Variants in CHMP3 observed in about 807,000 individuals in gnomAD.
CHMP3 encodes the protein 25.1 protein.
In CHMP3, 8 loss-of-function variants were observed where a neutral mutation model predicts 27.4. The ratio of observed to expected loss-of-function variants is 0.29; its 90% CI spans 0.17 to 0.53. The LOEUF (loss-of-function observed/expected upper bound fraction) is 0.53, where lower values mean the gene tolerates loss of function less well. Ranked by LOEUF, CHMP3 falls within the 20% of genes least tolerant of loss-of-function variation. The pLI, the probability that CHMP3 is intolerant of heterozygous loss-of-function variation, is 0.96. For synonymous variants in CHMP3, 86 were observed against 85.5 expected (o/e 1.01, Z -0.03); for missense variants, 208 against 271.5 (o/e 0.77, Z 1.64).
chr2:86,558,050 A>C (rs979047266), intron 1 of CHMP3, among the ~76,000 whole-genome samples: 2 of 152,198 alleles, frequency 1.3e-5, no homozygotes, highest in Non-Finnish European at 2.9e-5. Context: ...GTCTAAGAAC[A>C]TAAGTCATAT....
chr2:86,515,759 C>G (rs1243890757), intron 3 of CHMP3, among the ~76,000 whole-genome samples: 1 of 152,142 alleles, frequency 6.6e-6, no homozygotes, highest in Non-Finnish European at 1.5e-5. Flanking sequence ...TATAAAGACT[C>G]AAGTGCTCCT....
chr2:86,510,059 T>C (rs1043443352), intron 4 of CHMP3, among the ~76,000 whole-genome samples: 1 of 152,228 alleles, frequency 6.6e-6, no homozygotes, highest in African/African-American at 2.4e-5. Flanking sequence ...CTTGCCTATG[T>C]TGGACCCTGC....
At chr2:86,548,916 C>A (rs1277772877) in intron 1 of CHMP3, among the ~76,000 whole-genome samples, 30 of 149,858 alleles carry the variant, frequency 2.0e-4, no homozygotes, top group Non-Finnish European at 3.7e-4. Flanking sequence ...TCCCCACCTC[C>A]CAGATGATGG....
chr2:86,529,554 A>G (rs1360647860), intron 2 of CHMP3, among the ~76,000 whole-genome samples, 157 bp from the exon 3 acceptor site: 1 of 152,246 alleles, frequency 6.6e-6, no homozygotes, highest in East Asian at 1.9e-4. Flanking sequence ...CATCATTTCC[A>G]GAAACAACAT....
chr2:86,507,810 G>A (rs1674943393), intron 4 of CHMP3, among the ~76,000 whole-genome samples: 1 of 152,170 alleles, frequency 6.6e-6, no homozygotes, highest in Admixed American at 6.5e-5. Context: ...ACACCCTAGG[G>A]GTGGGGAGTG....
intron 2 of CHMP3, among the ~76,000 whole-genome samples, chr2:86,538,190 T>C (rs562329709): frequency 6.7e-4 from 102 of 152,334 alleles, no homozygotes; most frequent in African/African-American, 2.4e-3. Flanking sequence ...AATTATTTGA[T>C]TCTACTTATA....
chr2:86,558,851 TTTTC>T (rs1677236058), intron 1 of CHMP3, among the ~76,000 whole-genome samples: 1 of 150,340 alleles, frequency 6.7e-6, no homozygotes, highest in East Asian at 1.9e-4. Context: ...CTCTTAAGTA[TTTTC>T]TTTCTCCCTT....
chr2:86,545,563 TCCTCACTTCCCAGACGGGGCGACTGCC>T lies in CHMP3; in HGVS notation c.46-3278_46-3252del, dbSNP rs1373550028. 4.7e-5 allele frequency among the ~76,000 whole-genome samples: 5 copies of T among 106,054 alleles called. No homozygotes were observed. In the East Asian group the frequency reaches 1.1e-3, roughly 23 times the overall value. The allele number at this position is 106,054 out of a possible 152,430, so 69.6% of individuals were successfully genotyped here. On this transcript the variant is annotated intron_variant, in intron 1 of 5. Coordinates refer to ENST00000263856, the MANE Select transcript of CHMP3 (RefSeq NM_016079.4). The stretch of plus-strand genomic sequence containing the variant: ...CGGGGCGACTGCCGGGCAGAGGCGC[TCCTCACTTCCCAGACGGGGCGACTGCC>T]GGGCAGAGGCGCTCCTCACTTCTCA...
intron 1 of CHMP3, among the ~76,000 whole-genome samples, chr2:86,548,179 C>CTTTTTTTTTTTT (rs55949258): frequency 1.7e-5 from 2 of 116,050 alleles, no homozygotes; most frequent in Non-Finnish European, 3.7e-5. Context: ...GAGGAGTTCT[C>CTTTTTTTTTTTT]TTTTTTTTTT....
rs60878502 is a variant in CHMP3, at chr2:86,527,778, T to C, written c.286+1440A>G. ...GAGTTTGAGACCAGCCTGGGTAACA[T>C]GGCGAAACCCCGTCTCTACTAAAAA... On this transcript the variant is annotated intron_variant, in intron 3 of 5. Coordinates refer to ENST00000263856, the MANE Select transcript of CHMP3 (RefSeq NM_016079.4). Among the ~76,000 whole-genome samples the C allele has an allele frequency of 3.9e-3, 599 of 152,130 alleles. 5 individuals carry two copies. The highest frequency in any genetic ancestry group is 0.014 in the African/African-American group (567 of 41,472).
intron 2 of CHMP3, among the ~76,000 whole-genome samples, chr2:86,537,350 G>A (rs183261285): frequency 1.3e-5 from 2 of 152,128 alleles, no homozygotes; most frequent in African/African-American, 2.4e-5. Flanking sequence ...GCTTTCCATC[G>A]ATTATTTCCA....
At chr2:86,552,662 T>G (rs757948230) in intron 1 of CHMP3, among the ~76,000 whole-genome samples, 10 of 152,236 alleles carry the variant, frequency 6.6e-5, no homozygotes, top group Non-Finnish European at 1.3e-4. Flanking sequence ...ATTAGCATCA[T>G]TAATTACAAG....
At chr2:86,518,560 A>G (rs1409254014) in intron 3 of CHMP3, among the ~76,000 whole-genome samples, 2 of 152,324 alleles carry the variant, frequency 1.3e-5, no homozygotes, top group Non-Finnish European at 2.9e-5. Context: ...AGTTGATTCC[A>G]TAAATGTGGG....
In CHMP3 at chr2:86,552,057, C is replaced by G. The variant is rs182260260; in HGVS notation, c.46-9745G>C. 3.3e-5 allele frequency among the ~76,000 whole-genome samples: 5 copies of G among 152,244 alleles called. No homozygotes were observed. The East Asian group carries it at 9.6e-4, about 29-fold the overall frequency. On this transcript the variant is annotated intron_variant, in intron 1 of 5. Coordinates refer to ENST00000263856, the MANE Select transcript of CHMP3 (RefSeq NM_016079.4). ...TCATACCAGGATATATGCTAGAAAA[C>G]AAGGAAGTATTCAAAGATTAGTAAA... is the stretch of plus-strand genomic sequence containing the variant.
At chr2:86,545,437 G>A (rs142043028) in intron 1 of CHMP3, among the ~76,000 whole-genome samples, 26,828 of 92,202 alleles carry the variant, frequency 0.29, 7,371 homozygotes, top group East Asian at 0.71. Context: ...GGGCAGAGGC[G>A]CTCCTCACTC....
intron 2 of CHMP3, among the ~76,000 whole-genome samples, chr2:86,530,835 T>C (rs1225540472): frequency 6.6e-6 from 1 of 152,254 alleles, no homozygotes; most frequent in East Asian, 1.9e-4. Flanking sequence ...ACACTGGTTA[T>C]TTCCTGGGGG....
At chr2:86,554,812 C>CACGTGTGT (rs1553409351) in intron 1 of CHMP3, among the ~76,000 whole-genome samples, 7 of 77,890 alleles carry the variant, frequency 9.0e-5, no homozygotes, top group African/African-American at 2.1e-4. Context: ...AATGTGTGTG[C>CACGTGTGT]GCGCGTGTGT....
At chr2:86,554,947 A>G (rs1677062634) in intron 1 of CHMP3, among the ~76,000 whole-genome samples, 1 of 151,318 alleles carries the variant, frequency 6.6e-6, no homozygotes, top group African/African-American at 2.4e-5. Context: ...CCTGTGTTCA[A>G]GCAATTCTCC....
At chr2:86,558,578 G>A (rs1228136248) in intron 1 of CHMP3, among the ~76,000 whole-genome samples, 1 of 152,076 alleles carries the variant, frequency 6.6e-6, no homozygotes, top group Non-Finnish European at 1.5e-5. Context: ...GAATTGACCT[G>A]TCACCATGGC....
Sources: allele counts gnomAD v4.1 joint callset (sites outside exome capture counted in the v4.1 genomes callset), GRCh38; gene constraint gnomAD v4.1.1; transcripts MANE v1.5; gene names NCBI Gene and HGNC (gene_info 2026-07-23, HGNC 2026-07-21).